NRDC: variants seen among roughly 807,000 people sequenced by gnomAD.
The protein encoded by NRDC is nardilysin.
A neutral mutation model predicts 147.1 loss-of-function variants in NRDC; 54 were observed. The observed-to-expected ratio is 0.37, with a 90% CI of 0.29 to 0.46. The LOEUF is 0.46. Ranked by LOEUF, NRDC falls within the 20% of genes least tolerant of loss-of-function variation. The pLI is 1.00. For synonymous variants in NRDC, 440 were observed against 482.1 expected (o/e 0.91, Z 1.14); for missense variants, 1,082 against 1,370.6 (o/e 0.79, Z 3.33).
At chr1:51,850,735 A>G (rs1681907533) in intron 1 of NRDC, among the ~76,000 whole-genome samples, 1 of 152,190 alleles carries the variant, frequency 6.6e-6, no homozygotes, top group Admixed American at 6.5e-5. Flanking sequence ...GACCTCAGAT[A>G]AGGAGGAACT....
intron 22 of NRDC, among the ~76,000 whole-genome samples, chr1:51,797,775 ATTTCT>A (rs1431722962): frequency 1.3e-5 from 2 of 151,686 alleles, no homozygotes; most frequent in African/African-American, 4.8e-5. Flanking sequence ...CTCTTTCTTT[ATTTCT>A]TTTCTTTTGA....
intron 1 of NRDC, among the ~76,000 whole-genome samples, chr1:51,865,286 C>T (rs1040114126): frequency 4.0e-5 from 6 of 151,052 alleles, no homozygotes; most frequent in Non-Finnish European, 8.9e-5. Context: ...AGGGGAAATA[C>T]AAATTTTTTA....
rs564701352 is a variant in NRDC, at chr1:51,846,972, C to T, written c.342-6458G>A. Reference sequence around the variant, plus strand: ...GTGCTGATTGGTGCATTTACAAACCCTGAGCTAGACACAGAGTGCTGATTG... The same window carrying T: ...GTGCTGATTGGTGCATTTACAAACCTTGAGCTAGACACAGAGTGCTGATTG... On this transcript the variant is annotated intron_variant, in intron 1 of 30. Transcript: ENST00000352171. Among the ~76,000 whole-genome samples the T allele has an allele frequency of 7.3e-5, 11 of 150,142 alleles. No individual in the cohort carries two copies. In the East Asian group the frequency reaches 9.8e-4, roughly 13 times the overall value.
intron 3 of NRDC, among the ~76,000 whole-genome samples, 153 bp from the exon 4 acceptor site, chr1:51,834,323 G>T (rs1471238112): frequency 6.6e-6 from 1 of 151,578 alleles, no homozygotes; most frequent in Admixed American, 6.6e-5. Flanking sequence ...CTTTGAGACA[G>T]AGTCTCACTC....
At position 51,805,580 on chromosome 1, in the gene NRDC, T is replaced by C. The variant is rs757341934; in HGVS notation, c.2111-19A>G. 4.6e-6 allele frequency: 7 copies of C among 1,536,156 alleles called. No homozygotes were observed. Among genetic ancestry groups the C allele is most frequent in the African/African-American group, 1.4e-5 (1 of 71,160 alleles). On this transcript the variant is annotated intron_variant, in intron 18 of 30. Coordinates refer to ENST00000352171, the MANE Select transcript of NRDC (RefSeq NM_001101662.2). ...ATATATGCTAAAAGAAAAAAGACCATAGATAAAAAAGGTTAGGGGCCTCAG... is the reference window on the plus strand; with the variant it reads ...ATATATGCTAAAAGAAAAAAGACCACAGATAAAAAAGGTTAGGGGCCTCAG...
intron 20 of NRDC, among the ~76,000 whole-genome samples, chr1:51,802,204 CTTGTG>C (rs1373158632): frequency 9.9e-5 from 15 of 152,274 alleles, no homozygotes; most frequent in Middle Eastern, 3.4e-3. Flanking sequence ...TCTCCTTTGA[CTTGTG>C]TTGTGGTGAC....
At chr1:51,820,029 C>T (rs780205055) in intron 8 of NRDC, among the ~76,000 whole-genome samples, 156 bp from the exon 9 acceptor site, 1 of 152,184 alleles carries the variant, frequency 6.6e-6, no homozygotes, top group Non-Finnish European at 1.5e-5. Context: ...AACACAGCCA[C>T]AAAATCTTCA....
At chr1:51,859,525 G>A (rs542364279) in intron 1 of NRDC, among the ~76,000 whole-genome samples, 2 of 152,286 alleles carry the variant, frequency 1.3e-5, no homozygotes, top group African/African-American at 4.8e-5. Context: ...TTTGCCTCCT[G>A]GCTATTTTGG....
chr1:51,808,536 T>C (rs1679569206), intron 17 of NRDC, among the ~76,000 whole-genome samples: 1 of 152,242 alleles, frequency 6.6e-6, no homozygotes, highest in Non-Finnish European at 1.5e-5. Context: ...CATCCACTGA[T>C]GGACATTTGG....
intron 1 of NRDC, among the ~76,000 whole-genome samples, chr1:51,870,277 A>AGAC (rs2124125307): frequency 6.6e-6 from 1 of 152,360 alleles, no homozygotes; most frequent in Admixed American, 6.5e-5. Flanking sequence ...AGAAAAGTGA[A>AGAC]GAGGGGAACA....
chr1:51,864,388 T>C (rs1255218121), intron 1 of NRDC, among the ~76,000 whole-genome samples: 3 of 152,172 alleles, frequency 2.0e-5, no homozygotes, highest in African/African-American at 7.2e-5. Context: ...AACAATTCCA[T>C]CATTCTTACT....
At position 51,790,624 on chromosome 1, in the gene NRDC, T is replaced by TC; in HGVS notation, c.3076dup (p.Glu1026GlyfsTer3). 6.2e-7 allele frequency: 1 copy of TC among 1,613,400 alleles called. No individual in the cohort carries two copies. On this transcript the variant is annotated frameshift_variant, in exon 29 of 31. Coordinates refer to ENST00000352171, the MANE Select transcript of NRDC (RefSeq NM_001101662.2). LOFTEE classifies it high-confidence loss of function. Reference sequence around the variant, plus strand: ...CTCCCCAAGGTGGGTATCCTCACACTCCTTCAGCTTGATGAGAGCTGTGAC... The same window carrying TC: ...CTCCCCAAGGTGGGTATCCTCACACTCCCTTCAGCTTGATGAGAGCTGTGAC...
chr1:51,878,323 G>T lies in NRDC; in HGVS notation c.293C>A (p.Ala98Asp). 1 of 1,614,122 alleles carries T rather than the reference G, an allele frequency of 6.2e-7. No homozygotes were observed. The highest frequency in any genetic ancestry group is 8.5e-7 in the Non-Finnish European group (1 of 1,180,008). Residue 98 changes from alanine to aspartate, a missense_variant, in exon 1 of 31, where the codon GCT (alanine) becomes GAT (aspartate). By Grantham distance (126) the Ala-to-Asp change is moderately radical (BLOSUM62 -2). Coordinates refer to ENST00000352171, the MANE Select transcript of NRDC (RefSeq NM_001101662.2). Reference protein sequence around the residue: ...EEGRRGSLSNAGDPEIVKSPS... With the variant: ...EEGRRGSLSNDGDPEIVKSPS... ...AGACTTGACGATCTCAGGGTCCCCA[G>T]CATTACTGAGAGACCCCCTCCGTCC...
intron 11 of NRDC, chr1:51,816,063 T>A: frequency 4.6e-6 from 1 of 217,552 alleles, no homozygotes; most frequent in Non-Finnish European, 9.1e-6. Context: ...ATTAATTTCA[T>A]TTATGATTTT....
At position 51,808,981 on chromosome 1, in the gene NRDC, G is replaced by T. The variant is rs1679591045; in HGVS notation, c.1990+334C>A. Among the ~76,000 whole-genome samples, 6 of 152,118 alleles carry T rather than the reference G, an allele frequency of 3.9e-5. 1 individual carries two copies. The South Asian group carries it at 8.3e-4, about 21-fold the overall frequency. On this transcript the variant is annotated intron_variant, in intron 17 of 30. Coordinates refer to ENST00000352171, the MANE Select transcript of NRDC (RefSeq NM_001101662.2). ...GCCACCTGCAGTTTGAAAAGCAATA[G>T]AAAAATCTGGCAAGATAATGGCAAT...
chr1:51,851,728 C>A (rs575887228), intron 1 of NRDC, among the ~76,000 whole-genome samples: 62 of 152,068 alleles, frequency 4.1e-4, no homozygotes, highest in African/African-American at 1.4e-3. Context: ...ACAAATTTTA[C>A]AAAGGACACT....
chr1:51,791,594 G>A lies in NRDC; in HGVS notation c.2944C>T (p.Gln982Ter). 1 of 1,613,334 alleles carries A rather than the reference G, an allele frequency of 6.2e-7. No individual in the cohort carries two copies. Among genetic ancestry groups the A allele is most frequent in the Non-Finnish European group, 8.5e-7 (1 of 1,179,240 alleles). ...CTCACTCACTTGTATTTGGTTGCCT[G>A]AGTCCCCACAGTGACAGAAAATCCT... ...ILGFSVTVGTQATKYNSEVVD... is the reference protein window; with the variant it reads ...ILGFSVTVGT Residue 982 changes from glutamine to a stop codon, truncating the protein, a stop_gained, in exon 27 of 31, where the codon CAG becomes TAG. Coordinates refer to ENST00000352171, the MANE Select transcript of NRDC (RefSeq NM_001101662.2). LOFTEE classifies it high-confidence loss of function.
intron 9 of NRDC, 116 bp from the exon 10 acceptor site, chr1:51,818,251 CAATG>C: frequency 1.5e-6 from 1 of 645,422 alleles, no homozygotes; most frequent in Non-Finnish European, 2.5e-6. Context: ...AGGTTAAGTA[CAATG>C]CAGTTATTGT....
rs138992217 is a variant in NRDC, at chr1:51,854,510, C to T, written c.342-13996G>A. On this transcript the variant is annotated intron_variant, in intron 1 of 30. Coordinates refer to ENST00000352171, the MANE Select transcript of NRDC (RefSeq NM_001101662.2). The stretch of plus-strand genomic sequence containing the variant: ...GACAAAAGATGGGGAATTGAGATGA[C>T]GCAGGGACCCCAAGCATAGAAAAAA... Among the ~76,000 whole-genome samples, 416 of 152,320 alleles carry T rather than the reference C, an allele frequency of 2.7e-3. 4 individuals are homozygous for T. Among genetic ancestry groups the T allele is most frequent in the African/African-American group, 9.2e-3 (383 of 41,572 alleles).
Sources: allele counts gnomAD v4.1 joint callset (sites outside exome capture counted in the v4.1 genomes callset), GRCh38; gene constraint gnomAD v4.1.1; transcripts MANE v1.5; gene names NCBI Gene and HGNC (gene_info 2026-07-23, HGNC 2026-07-21).